The following ENO2 variants were observed in gnomAD, a reference collection of about 807,000 sequenced individuals.
The protein encoded by ENO2 is enolase 2.
In ENO2, 19 loss-of-function variants were observed where a neutral mutation model predicts 48.7. The ratio of observed to expected loss-of-function variants is 0.39; its 90% CI spans 0.27 to 0.57. The LOEUF (loss-of-function observed/expected upper bound fraction) is 0.57, where lower values mean the gene tolerates loss of function less well. Among genes scored for constraint, ENO2 ranks in the 20% least tolerant of loss-of-function variants. The pLI, the probability that ENO2 is intolerant of heterozygous loss-of-function variation, is 0.58. For synonymous variants in ENO2, 198 were observed against 213.4 expected (o/e 0.93, Z 0.63); for missense variants, 416 against 555.0 (o/e 0.75, Z 2.52).
Position 6,915,838 on chromosome 12 carries a change from C to T in ENO2, c.6C>T (p.Ser2=), listed in dbSNP as rs1309079475. The T allele has an allele frequency of 1.4e-5, 22 of 1,613,706 alleles. No homozygotes were observed. Among genetic ancestry groups the T allele is most frequent in the Non-Finnish European group, 1.9e-5 (22 of 1,179,880 alleles). Residue 2 remains serine (S), a synonymous_variant, in exon 2 of 12, where the codon TCC becomes TCT. Coordinates refer to ENST00000229277, the MANE Select transcript of ENO2 (RefSeq NM_001975.3). The part of the protein sequence containing the change: M[S]IEKIWAREIL... ...CCGAGGAGATCCCAGCCATCATGTC[C>T]ATAGAGAAGATCTGGGCCCGGGAGA...
Position 6,922,991 on chromosome 12 carries a change from C to G in ENO2, c.*191C>G. The G allele has an allele frequency of 1.7e-6, 1 of 598,342 alleles. No individual in the cohort carries two copies. The highest frequency in any genetic ancestry group is 3.0e-6 in the Non-Finnish European group (1 of 332,974). 37.1% of individuals were successfully genotyped at this position (598,342 alleles called of 1,614,324 possible). ...TCTCTGCTCGCCCTCCTTTCTGTGC[C>G]CTACTCATTGGGGTTCCGCACTTTC... On this transcript the variant is annotated 3_prime_UTR_variant, in exon 12 of 12. Transcript: ENST00000229277. This position sits in a 1 kb window ranked among gnomAD's most constrained non-coding sequence, Gnocchi z 5.3.
rs1555141927 is a variant in ENO2, at chr12:6,919,593, A to C, written c.695A>C (p.Asp232Ala). 1.2e-6 allele frequency: 2 copies of C among 1,614,114 alleles called. No homozygotes were observed. Among genetic ancestry groups the C allele is most frequent in the Admixed American group, 1.7e-5 (1 of 60,002 alleles). The change falls in exon 8 of 12, where the codon GAC becomes GCC. Residue 232 changes from aspartate to alanine, a missense_variant. Coordinates refer to ENST00000229277, the MANE Select transcript of ENO2 (RefSeq NM_001975.3). The part of the protein sequence containing the change: ...EALELVKEAI[D>A]KAGYTEKIVI... ...TTGGAGCTGGTGAAGGAAGCCATCG[A>C]CAAGGCTGGCTACACGGAAAAGATC... is the stretch of plus-strand genomic sequence containing the variant.
intron 7 of ENO2, among the ~76,000 whole-genome samples, chr12:6,918,996 A>AG (rs1555141889): frequency 6.7e-6 from 1 of 148,226 alleles, no homozygotes; most frequent in East Asian, 2.0e-4. Context: ...AAAAAAAAAA[A>AG]AAAAAAAGTT....
In ENO2 at chr12:6,922,590, G is replaced by A; in HGVS notation, c.1236-141G>A. 2 of 1,286,798 alleles carry A rather than the reference G, an allele frequency of 1.6e-6. No homozygotes were observed. Among genetic ancestry groups the A allele is most frequent in the Non-Finnish European group, 2.2e-6 (2 of 897,462 alleles). 79.7% of individuals were successfully genotyped at this position (1,286,798 alleles called of 1,614,324 possible). Reference sequence around the variant, plus strand: ...TTGACAAATCCCAGAGATCACATGGGAAAGCCAGGGAATGCTAAGCCTTGG... The same window carrying A: ...TTGACAAATCCCAGAGATCACATGGAAAAGCCAGGGAATGCTAAGCCTTGG... On this transcript the variant is annotated intron_variant, in intron 11 of 11. Transcript: ENST00000229277. The surrounding 1 kb of genome is among the most constrained non-coding windows in gnomAD (Gnocchi z 5.3).
At chr12:6,918,699 A>G (rs781883645) in intron 7 of ENO2, among the ~76,000 whole-genome samples, 1 of 150,304 alleles carries the variant, frequency 6.7e-6, no homozygotes, top group African/African-American at 2.4e-5. Context: ...TGCCACTGGA[A>G]GGCCGGGCGC....
intron 7 of ENO2, 108 bp from the exon 8 acceptor site, chr12:6,919,458 T>TC: frequency 8.0e-7 from 1 of 1,253,650 alleles, no homozygotes; most frequent in Non-Finnish European, 1.1e-6. Context: ...CCGCCACACT[T>TC]CCCTCAGGAA....
At chr12:6,917,162 A>G (rs1555141695) in intron 5 of ENO2, 55 bp downstream of exon 5, 2 of 1,606,236 alleles carry the variant, frequency 1.2e-6, no homozygotes, top group South Asian at 1.1e-5. Flanking sequence ...GGCGTGGAGC[A>G]GATAGAGAGC....
chr12:6,920,896 A>T (rs1591653653), intron 8 of ENO2, among the ~76,000 whole-genome samples: 1 of 146,226 alleles, frequency 6.8e-6, no homozygotes, highest in African/African-American at 2.6e-5. Context: ...TCACTGCACG[A>T]TTCTCTTAGC....
chr12:6,921,715 GA>G lies in ENO2; in HGVS notation c.1004del (p.Lys335ArgfsTer35). ...AAAACGTATTGAGCGGGCAGTGGAA[GA>G]AAAGGCCTGCAACTGTCTGCTGCTC... ...NPKRIERAVE[E>X]KACNCLLLKV... On this transcript the variant is annotated frameshift_variant, in exon 9 of 12. Coordinates refer to ENST00000229277, the MANE Select transcript of ENO2 (RefSeq NM_001975.3). LOFTEE classifies it high-confidence loss of function. 1 of 1,614,192 alleles carries G rather than the reference GA, an allele frequency of 6.2e-7. No homozygotes were observed. Among genetic ancestry groups the G allele is most frequent in the East Asian group, 2.2e-5 (1 of 44,874 alleles).
intron 6 of ENO2, 109 bp from the exon 7 acceptor site, chr12:6,917,831 C>CGT: frequency 1.3e-6 from 2 of 1,558,200 alleles, no homozygotes; most frequent in Non-Finnish European, 1.7e-6. Flanking sequence ...AGGATGGGGA[C>CGT]GTGAGACTTA....
chr12:6,916,876 C>A lies in ENO2; in HGVS notation c.240+147C>A. The A allele has an allele frequency of 7.2e-7, 1 of 1,383,430 alleles. No individual in the cohort carries two copies. The highest frequency in any genetic ancestry group is 1.0e-6 in the Non-Finnish European group (1 of 999,458). 85.7% of individuals were successfully genotyped at this position (1,383,430 alleles called of 1,614,324 possible). Reference sequence around the variant, plus strand: ...GTGGGGAACAGCTTCCTTAATGCACCCTGCTCCCATGGGAGTTCAGGTCCC... The same window carrying A: ...GTGGGGAACAGCTTCCTTAATGCACACTGCTCCCATGGGAGTTCAGGTCCC... On this transcript the variant is annotated intron_variant, in intron 4 of 11. Coordinates refer to ENST00000229277, the MANE Select transcript of ENO2 (RefSeq NM_001975.3). This position sits in a 1 kb window ranked among gnomAD's most constrained non-coding sequence, Gnocchi z 4.5.
chr12:6,915,276 T>A (rs1945278352), intron 1 of ENO2: 2 of 161,684 alleles, frequency 1.2e-5, no homozygotes, highest in South Asian at 3.3e-4. Flanking sequence ...CCGACACCTG[T>A]ATTGCATGCG....
At chr12:6,915,357 C>T (rs556236161) in intron 1 of ENO2, 10 of 183,844 alleles carry the variant, frequency 5.4e-5, no homozygotes, top group Middle Eastern at 2.6e-3. Flanking sequence ...AGTGTTCAGG[C>T]AGCTGGGGTG....
chr12:6,918,222 G>C (rs1196044825), intron 7 of ENO2, 60 bp downstream of exon 7: 1 of 1,566,984 alleles, frequency 6.4e-7, no homozygotes, highest in Non-Finnish European at 8.7e-7. Flanking sequence ...ACATCAGAAA[G>C]GGTGACACAG....
chr12:6,918,437 G>A (rs1338215803), intron 7 of ENO2, among the ~76,000 whole-genome samples: 5 of 149,956 alleles, frequency 3.3e-5, no homozygotes, highest in Admixed American at 2.0e-4. Flanking sequence ...TGCAAGCTCC[G>A]CCTCCCGGGT....
Position 6,922,718 on chromosome 12 carries a change from T to A in ENO2, c.1236-13T>A. ...CATCCCTGACCACTTCCTTTGTGGT[T>A]CATCTCTCTCAGAATTGAGGAAGAG... On this transcript the variant is annotated splice_polypyrimidine_tract_variant and intron_variant, in intron 11 of 11. Coordinates refer to ENST00000229277, the MANE Select transcript of ENO2 (RefSeq NM_001975.3). The surrounding 1 kb of genome is among the most constrained non-coding windows in gnomAD (Gnocchi z 5.3). The A allele has an allele frequency of 6.2e-7, 1 of 1,614,132 alleles. No homozygotes were observed. The highest frequency in any genetic ancestry group is 8.5e-7 in the Non-Finnish European group (1 of 1,179,992).
intron 1 of ENO2, 188 bp from the exon 2 acceptor site, chr12:6,915,633 C>G (rs1565557703): frequency 1.7e-6 from 1 of 593,660 alleles, no homozygotes; most frequent in Middle Eastern, 3.9e-4. Flanking sequence ...TGACCTTCTC[C>G]TCTTCCCAGG....
chr12:6,922,618 C>A lies in ENO2; in HGVS notation c.1236-113C>A. The A allele has an allele frequency of 1.5e-6, 2 of 1,366,670 alleles. No individual in the cohort carries two copies. Among genetic ancestry groups the A allele is most frequent in the Admixed American group, 1.7e-5 (1 of 58,692 alleles). The allele number at this position is 1,366,670 out of a possible 1,614,324, so 84.7% of individuals were successfully genotyped here. The stretch of plus-strand genomic sequence containing the variant: ...AGCCAGGGAATGCTAAGCCTTGGGG[C>A]AGGACACAAAAGCAGGTGGTGTGGG... On this transcript the variant is annotated intron_variant, in intron 11 of 11. Coordinates refer to ENST00000229277, the MANE Select transcript of ENO2 (RefSeq NM_001975.3). The surrounding 1 kb of genome is among the most constrained non-coding windows in gnomAD (Gnocchi z 5.3).
Position 6,916,831 on chromosome 12 carries a change from C to A in ENO2, c.240+102C>A. On this transcript the variant is annotated intron_variant, in intron 4 of 11. Transcript: ENST00000229277. This position sits in a 1 kb window ranked among gnomAD's most constrained non-coding sequence, Gnocchi z 4.5. Reference sequence around the variant, plus strand: ...AGAAAGAAGGCCCACTCTTAGGAATCATGGTTACAAGGGGGAAGGGTGGGG... The same window carrying A: ...AGAAAGAAGGCCCACTCTTAGGAATAATGGTTACAAGGGGGAAGGGTGGGG... 1 of 1,513,026 alleles carries A rather than the reference C, an allele frequency of 6.6e-7. No homozygotes were observed. The highest frequency in any genetic ancestry group is 9.0e-7 in the Non-Finnish European group (1 of 1,105,440). The allele number at this position is 1,513,026 out of a possible 1,614,324, so 93.7% of individuals were successfully genotyped here.
Sources: allele counts gnomAD v4.1 joint callset (sites outside exome capture counted in the v4.1 genomes callset), GRCh38; gene constraint gnomAD v4.1.1; non-coding constraint Gnocchi (gnomAD v3.1); transcripts MANE v1.5; gene names NCBI Gene and HGNC (gene_info 2026-07-23, HGNC 2026-07-21).